Variants in SAMD12 observed in about 807,000 individuals in gnomAD.
SAMD12 encodes the protein sterile alpha motif domain containing 12.
SAMD12 carries 9 observed loss-of-function variants against 15.0 expected under a neutral mutation model. The observed-to-expected ratio is 0.60, with a 90% CI of 0.36 to 1.05. SAMD12 has a LOEUF of 1.05. Among genes scored for constraint, SAMD12 ranks in the 50% least tolerant of loss-of-function variants. The pLI, the probability that SAMD12 is intolerant of heterozygous loss-of-function variation, is 0.01. For missense variants in SAMD12, 230 were observed against 234.2 expected (o/e 0.98, Z 0.12); for synonymous variants, 86 against 90.1 (o/e 0.96, Z 0.25).
At chr8:118,435,571 AG>A (rs1261569892) in intron 3 of SAMD12, among the ~76,000 whole-genome samples, 3 of 152,198 alleles carry the variant, frequency 2.0e-5, no homozygotes, top group Non-Finnish European at 2.9e-5. Context: ...ATATTGCAAA[AG>A]ATTTTGAACA....
intron 2 of SAMD12, among the ~76,000 whole-genome samples, chr8:118,466,963 T>G (rs1182213752): frequency 6.6e-6 from 1 of 152,214 alleles, no homozygotes; most frequent in African/African-American, 2.4e-5. Flanking sequence ...ATAAAGATGG[T>G]AACACTTGAC....
chr8:118,340,631 T>C (rs1482253361), intron 4 of SAMD12, among the ~76,000 whole-genome samples: 1 of 151,982 alleles, frequency 6.6e-6, no homozygotes, highest in African/African-American at 2.4e-5. Flanking sequence ...TAGCTGGGTG[T>C]AGTGGTGCAT....
At chr8:118,259,303 A>G (rs1015136194) in intron 4 of SAMD12, among the ~76,000 whole-genome samples, 1 of 152,266 alleles carries the variant, frequency 6.6e-6, no homozygotes. Flanking sequence ...ATTGAAAAAG[A>G]ATGCTTAATG....
downstream of SAMD12, among the ~76,000 whole-genome samples, chr8:118,185,225 A>T (rs17480697): frequency 6.6e-6 from 1 of 152,138 alleles, no homozygotes; most frequent in Non-Finnish European, 1.5e-5. Flanking sequence ...CACTTATTTT[A>T]TTTTAAATAA....
chr8:118,238,839 A>T (rs1767393461), intron 4 of SAMD12, among the ~76,000 whole-genome samples: 1 of 152,132 alleles, frequency 6.6e-6, no homozygotes, highest in Non-Finnish European at 1.5e-5. Flanking sequence ...GGGATTCAAC[A>T]CCAGTGGACT....
intron 4 of SAMD12, among the ~76,000 whole-genome samples, chr8:118,206,947 G>A (rs1032900425): frequency 1.3e-5 from 2 of 152,200 alleles, no homozygotes; most frequent in African/African-American, 4.8e-5. Context: ...GACTATCAAA[G>A]GTGCTCCTGA....
the SAMD12 span, among the ~76,000 whole-genome samples, chr8:118,166,983 T>C: frequency 6.6e-6 from 1 of 151,994 alleles, no homozygotes; most frequent in South Asian, 2.1e-4. Context: ...TTTCCCTCCA[T>C]TGCACAGCCA....
the SAMD12 span, among the ~76,000 whole-genome samples, chr8:118,158,161 G>T: frequency 1.3e-5 from 2 of 152,154 alleles, no homozygotes; most frequent in Non-Finnish European, 2.9e-5. Flanking sequence ...TCTGTAGAAG[G>T]TACATCTTGC....
chr8:118,485,473 T>C (rs555525924), intron 2 of SAMD12, among the ~76,000 whole-genome samples: 20 of 152,344 alleles, frequency 1.3e-4, no homozygotes, highest in African/African-American at 4.8e-4. Flanking sequence ...CTTTCCTAAA[T>C]TGAAAGTTCT....
chr8:118,426,110 C>T (rs1359856400), intron 3 of SAMD12, among the ~76,000 whole-genome samples: 2 of 152,218 alleles, frequency 1.3e-5, no homozygotes, highest in African/African-American at 2.4e-5. Flanking sequence ...TCTCTCTTGG[C>T]ACAGTGTTTG....
chr8:118,435,311 T>C (rs1207544728), intron 3 of SAMD12, among the ~76,000 whole-genome samples: 1 of 152,222 alleles, frequency 6.6e-6, no homozygotes, highest in Non-Finnish European at 1.5e-5. Flanking sequence ...TTAATCGTTC[T>C]ATTTTATCAT....
At chr8:118,487,691 T>C (rs986469340) in intron 2 of SAMD12, among the ~76,000 whole-genome samples, 1 of 152,238 alleles carries the variant, frequency 6.6e-6, no homozygotes, top group Non-Finnish European at 1.5e-5. Flanking sequence ...TTAGGGATTA[T>C]TGGTCCCTTC....
intron 1 of SAMD12, among the ~76,000 whole-genome samples, chr8:118,595,122 A>T (rs1586844527): frequency 6.6e-6 from 1 of 152,308 alleles, no homozygotes; most frequent in East Asian, 1.9e-4. Context: ...CCACCCATGC[A>T]TCCTACAGCC....
chr8:118,493,203 A>C (rs545642715), intron 2 of SAMD12, among the ~76,000 whole-genome samples: 1 of 152,238 alleles, frequency 6.6e-6, no homozygotes, highest in South Asian at 2.1e-4. Context: ...CATATGAAAA[A>C]CTTCAGGGTC....
intron 4 of SAMD12, among the ~76,000 whole-genome samples, chr8:118,354,688 C>T (rs1818140711): frequency 6.6e-6 from 1 of 152,218 alleles, no homozygotes; most frequent in African/African-American, 2.4e-5. Flanking sequence ...CTGAACAGTG[C>T]AGAACTAGAA....
At chr8:118,548,770 T>C (rs1466242096) in intron 2 of SAMD12, among the ~76,000 whole-genome samples, 1 of 152,196 alleles carries the variant, frequency 6.6e-6, no homozygotes, top group Non-Finnish European at 1.5e-5. Context: ...TTCCCTTTCC[T>C]AGTCAAAGAA....
intron 4 of SAMD12, among the ~76,000 whole-genome samples, chr8:118,362,752 T>C (rs769176828): frequency 6.6e-6 from 1 of 152,234 alleles, no homozygotes; most frequent in Non-Finnish European, 1.5e-5. Flanking sequence ...CACTCATTTA[T>C]GCCAAATCAA....
intron 1 of SAMD12, among the ~76,000 whole-genome samples, chr8:118,613,741 A>T (rs539192247): frequency 6.6e-6 from 1 of 152,186 alleles, no homozygotes; most frequent in Non-Finnish European, 1.5e-5. Context: ...GGAGTCCATG[A>T]ATTATTTTCT....
chr8:118,171,606 C>T, the SAMD12 span, among the ~76,000 whole-genome samples: 1 of 152,046 alleles, frequency 6.6e-6, no homozygotes, highest in African/African-American at 2.4e-5. Flanking sequence ...TGTGTGATTG[C>T]ATTCATATGA....
Sources: allele counts gnomAD v4.1 joint callset (sites outside exome capture counted in the v4.1 genomes callset), GRCh38; gene constraint gnomAD v4.1.1; transcripts MANE v1.5; gene names NCBI Gene and HGNC (gene_info 2026-07-23, HGNC 2026-07-21).